The following JARID2 variants were observed in gnomAD, a reference collection of about 807,000 sequenced individuals.
The protein encoded by JARID2 is protein Jumonji.
In JARID2, 21 loss-of-function variants were observed where a neutral mutation model predicts 125.6. The observed-to-expected ratio is 0.17, with a 90% CI of 0.12 to 0.24. The LOEUF (loss-of-function observed/expected upper bound fraction) is 0.24, where lower values mean the gene tolerates loss of function less well. JARID2 is among the 10% of genes least tolerant of loss of function. The pLI is 1.00. For synonymous variants in JARID2, 736 were observed against 661.6 expected (o/e 1.11, Z -1.73); for missense variants, 1,303 against 1,639.6 (o/e 0.79, Z 3.55).
intron 1 of JARID2, among the ~76,000 whole-genome samples, chr6:15,367,969 G>A (rs1185717805): frequency 3.3e-5 from 5 of 151,878 alleles, no homozygotes; most frequent in Non-Finnish European, 5.9e-5. Context: ...AGATTTTTGA[G>A]GGCCCATATT....
intron 1 of JARID2, among the ~76,000 whole-genome samples, chr6:15,306,495 A>T (rs1258413861): frequency 6.6e-6 from 1 of 151,620 alleles, no homozygotes; most frequent in African/African-American, 2.4e-5. Flanking sequence ...CCACACGCCC[A>T]GCTAATTTTT....
At chr6:15,458,328 C>T (rs1768285139) in intron 4 of JARID2, among the ~76,000 whole-genome samples, 1 of 152,224 alleles carries the variant, frequency 6.6e-6, no homozygotes, top group African/African-American at 2.4e-5. Context: ...ACTCCTGAAG[C>T]ATGCAAACCT....
chr6:15,484,118 T>C (rs1303879148), intron 5 of JARID2, among the ~76,000 whole-genome samples: 3 of 152,212 alleles, frequency 2.0e-5, no homozygotes, highest in African/African-American at 4.8e-5. Flanking sequence ...TTCTAGGTCC[T>C]TGAAGGGTCT....
chr6:15,312,595 TG>T (rs1205934952), intron 1 of JARID2, among the ~76,000 whole-genome samples: 2 of 152,242 alleles, frequency 1.3e-5, no homozygotes, highest in Non-Finnish European at 2.9e-5. Flanking sequence ...GCCATATAGA[TG>T]GAAGCACTTT....
intron 7 of JARID2, 26 bp from the exon 8 acceptor site, chr6:15,500,881 C>T (rs375291393): frequency 8.3e-6 from 13 of 1,564,042 alleles, no homozygotes; most frequent in Admixed American, 1.8e-5. Flanking sequence ...CTAACTGTCC[C>T]GTTTTTTTCC....
rs376782627 is a variant in JARID2, at chr6:15,324,849, TAAAA to T, written c.46-49257_46-49254del. Among the ~76,000 whole-genome samples the T allele has an allele frequency of 1.3e-3, 177 of 139,954 alleles. 3 individuals are homozygous for T. In the East Asian group the frequency reaches 0.03, roughly 24 times the overall value. The allele number at this position is 139,954 out of a possible 152,430, so 91.8% of individuals were successfully genotyped here. A position where few individuals can be genotyped will look rare whatever the true frequency, so the allele number is the denominator to read the frequency against. ...TACGGGTCAGAGGTGGTTTTGTTAT[TAAAA>T]AAAAAAAAAAGAAAAGAATGTCTTT... On this transcript the variant is annotated intron_variant, in intron 1 of 17. Transcript: ENST00000341776.
In JARID2 at chr6:15,513,312, G is replaced by A. The variant is rs779627462; in HGVS notation, c.3340G>A (p.Asp1114Asn). Reference protein sequence around the residue: ...LHSSARYGSHDGSSTVADGKK... With the variant: ...LHSSARYGSHNGSSTVADGKK... Reference sequence around the variant, plus strand: ...CTCCTCCGCACGCTATGGCAGCCACGATGGCAGCAGCACGGTGGCGGACGG... The same window carrying A: ...CTCCTCCGCACGCTATGGCAGCCACAATGGCAGCAGCACGGTGGCGGACGG... Residue 1114 changes from aspartate (D) to asparagine (N), a missense_variant, in exon 16 of 18, where the codon GAT becomes AAT. Transcript: ENST00000341776. 8 of 1,608,614 alleles carry A rather than the reference G, an allele frequency of 5.0e-6. No homozygotes were observed. Among genetic ancestry groups the A allele is most frequent in the Admixed American group, 1.7e-5 (1 of 58,954 alleles).
intron 2 of JARID2, among the ~76,000 whole-genome samples, chr6:15,384,828 C>G (rs1457253650): frequency 6.6e-6 from 1 of 152,168 alleles, no homozygotes; most frequent in African/African-American, 2.4e-5. Context: ...CTGCCTTGGC[C>G]TCCCAGAGTG....
At chr6:15,484,947 T>C (rs1769796199) in intron 5 of JARID2, among the ~76,000 whole-genome samples, 1 of 152,234 alleles carries the variant, frequency 6.6e-6, no homozygotes. Flanking sequence ...AGATTCATGT[T>C]CCCTTGGCTT....
chr6:15,483,375 AGTG>A (rs1322360565), intron 5 of JARID2, among the ~76,000 whole-genome samples: 6 of 131,862 alleles, frequency 4.6e-5, no homozygotes, highest in Admixed American at 2.5e-4. Context: ...GTCATTCTTA[AGTG>A]AAACTGGCTG....
intron 1 of JARID2, among the ~76,000 whole-genome samples, chr6:15,339,018 G>A (rs2127465701): frequency 6.6e-6 from 1 of 152,270 alleles, no homozygotes; most frequent in East Asian, 1.9e-4. Flanking sequence ...GAGATTTGGG[G>A]ATGAGCTTTA....
chr6:15,346,494 T>A (rs1763248449), intron 1 of JARID2, among the ~76,000 whole-genome samples: 1 of 152,224 alleles, frequency 6.6e-6, no homozygotes, highest in South Asian at 2.1e-4. Flanking sequence ...TATGATTTTC[T>A]GGGTTTGCAG....
chr6:15,378,095 A>T (rs1365859695), intron 2 of JARID2, among the ~76,000 whole-genome samples: 1 of 147,870 alleles, frequency 6.8e-6, no homozygotes, highest in African/African-American at 2.5e-5. Flanking sequence ...CACCATGTTG[A>T]CCAGGAAGGT....
At chr6:15,500,707 C>T (rs559762996) in intron 7 of JARID2, among the ~76,000 whole-genome samples, 200 bp from the exon 8 acceptor site, 86 of 152,284 alleles carry the variant, frequency 5.6e-4, no homozygotes, top group African/African-American at 1.9e-3. Context: ...ACCTGCTCTT[C>T]GTAGCAAGTG....
At chr6:15,422,768 C>T (rs1324355860) in intron 3 of JARID2, among the ~76,000 whole-genome samples, 3 of 152,122 alleles carry the variant, frequency 2.0e-5, no homozygotes, top group Non-Finnish European at 4.4e-5. Flanking sequence ...TGTGGGCTTC[C>T]CCGCTCCCCC....
chr6:15,370,686 A>G (rs1764135551), intron 1 of JARID2, among the ~76,000 whole-genome samples: 1 of 152,114 alleles, frequency 6.6e-6, no homozygotes. Flanking sequence ...TTGATCCTGA[A>G]TGAAGAATGA....
intron 9 of JARID2, among the ~76,000 whole-genome samples, chr6:15,506,010 T>C (rs538254249): frequency 8.5e-4 from 130 of 152,370 alleles, no homozygotes; most frequent in Non-Finnish European, 1.1e-3. Flanking sequence ...GCAAGAAAAC[T>C]TAGCTCATTT....
At position 15,501,114 on chromosome 6, in the gene JARID2, G is replaced by C; in HGVS notation, c.2153G>C (p.Arg718Pro). ...TCCCTGTCCCCAGAGGAGCACCGGC[G>C]GCTGGAGAAGGAGGTGCTGATGGAG... Reference protein sequence around the residue: ...YDSLSPEEHRRLEKEVLMEKE... With the variant: ...YDSLSPEEHRPLEKEVLMEKE... Residue 718 changes from arginine to proline, a missense_variant, in exon 8 of 18, where the codon CGG (arginine) becomes CCG (proline). Physicochemically the swap from Arg to Pro is moderately radical, Grantham distance 103. Transcript: ENST00000341776. 6.2e-7 allele frequency: 1 copy of C among 1,614,104 alleles called. No individual in the cohort carries two copies.
chr6:15,479,201 A>G (rs1769495049), intron 5 of JARID2, among the ~76,000 whole-genome samples: 2 of 152,172 alleles, frequency 1.3e-5, no homozygotes, highest in Admixed American at 6.5e-5. Flanking sequence ...TGATGCCCAC[A>G]CAGGCCGCGG....
Sources: allele counts gnomAD v4.1 joint callset (sites outside exome capture counted in the v4.1 genomes callset), GRCh38; gene constraint gnomAD v4.1.1; transcripts MANE v1.5; gene names NCBI Gene and HGNC (gene_info 2026-07-23, HGNC 2026-07-21).